KCNIP4: variants seen among roughly 807,000 people sequenced by gnomAD.
KCNIP4 encodes the protein potassium voltage-gated channel interacting protein 4.
A neutral mutation model predicts 34.0 loss-of-function variants in KCNIP4; 12 were observed. The observed-to-expected ratio is 0.35, with a 90% CI of 0.23 to 0.57. KCNIP4 has a LOEUF of 0.57. Among genes scored for constraint, KCNIP4 ranks in the 20% least tolerant of loss-of-function variants. The pLI is 0.83. For synonymous variants in KCNIP4, 124 were observed against 102.2 expected (o/e 1.21, Z -1.29); for missense variants, 238 against 311.7 (o/e 0.76, Z 1.78).
intron 1 of KCNIP4, among the ~76,000 whole-genome samples, chr4:21,320,007 T>C (rs987239405): frequency 4.6e-5 from 7 of 152,346 alleles, no homozygotes; most frequent in South Asian, 2.1e-4. Flanking sequence ...CTGGTTATGA[T>C]AAAAAATGCA....
chr4:21,747,535 T>C (rs865788403), intron 1 of KCNIP4, among the ~76,000 whole-genome samples: 6 of 152,124 alleles, frequency 3.9e-5, no homozygotes, highest in Middle Eastern at 3.2e-3. Flanking sequence ...CTGTGAAATA[T>C]TGTATTTTAC....
Position 21,252,811 on chromosome 4 carries a change from G to T in KCNIP4, c.62-370102C>A, listed in dbSNP as rs187299986. On this transcript the variant is annotated intron_variant, in intron 1 of 8. Coordinates refer to ENST00000382152, the MANE Select transcript of KCNIP4 (RefSeq NM_025221.6). ...TACATGCTAACCTTGTAATGAGAGGGCAGAGAGGTAATGGGGACCAACAGC... is the reference window on the plus strand; with the variant it reads ...TACATGCTAACCTTGTAATGAGAGGTCAGAGAGGTAATGGGGACCAACAGC... 5.3e-5 allele frequency among the ~76,000 whole-genome samples: 8 copies of T among 150,454 alleles called. No homozygotes were observed. The East Asian group carries it at 1.6e-3, about 29-fold the overall frequency.
chr4:21,149,888 G>T (rs879719000), intron 1 of KCNIP4, among the ~76,000 whole-genome samples: 7 of 152,114 alleles, frequency 4.6e-5, no homozygotes, highest in Non-Finnish European at 8.8e-5. Context: ...TAAAAACATG[G>T]ATTTTAAGTT....
intron 1 of KCNIP4, among the ~76,000 whole-genome samples, chr4:21,685,766 T>C (rs1190832168): frequency 6.6e-6 from 1 of 152,252 alleles, no homozygotes; most frequent in East Asian, 1.9e-4. Flanking sequence ...ATGTTGTCTA[T>C]ATTGTTGCCA....
At chr4:21,435,736 AT>A (rs928637993) in intron 1 of KCNIP4, among the ~76,000 whole-genome samples, 5 of 151,638 alleles carry the variant, frequency 3.3e-5, no homozygotes, top group African/African-American at 9.7e-5. Flanking sequence ...TACAGACAAG[AT>A]TTTTTTTTCT....
At chr4:20,752,287 G>A (rs1753796972) in intron 4 of KCNIP4, among the ~76,000 whole-genome samples, 1 of 152,034 alleles carries the variant, frequency 6.6e-6, no homozygotes, top group South Asian at 2.1e-4. Context: ...TCGAACTCCT[G>A]ACAGCAGGTG....
At chr4:21,269,479 C>G (rs1577994675) in intron 1 of KCNIP4, among the ~76,000 whole-genome samples, 1 of 152,146 alleles carries the variant, frequency 6.6e-6, no homozygotes, top group Non-Finnish European at 1.5e-5. Context: ...GATCATGGCT[C>G]ACTGCAGCCT....
intron 1 of KCNIP4, among the ~76,000 whole-genome samples, chr4:21,456,217 C>T (rs1311121130): frequency 1.4e-5 from 2 of 147,322 alleles, no homozygotes; most frequent in Non-Finnish European, 3.0e-5. Flanking sequence ...TCCCCAAATC[C>T]ATACAGCAAA....
chr4:21,932,231 CTG>C (rs1356054443), intron 1 of KCNIP4, among the ~76,000 whole-genome samples: 1 of 152,028 alleles, frequency 6.6e-6, no homozygotes, highest in Admixed American at 6.6e-5. Flanking sequence ...TTCTCCGTAA[CTG>C]ATACATGTGT....
chr4:21,743,407 T>C (rs199636545), intron 1 of KCNIP4, among the ~76,000 whole-genome samples: 1,318 of 13,104 alleles, frequency 0.1, 17 homozygotes, highest in Non-Finnish European at 0.12. Flanking sequence ...TTTTGTCTCT[T>C]TTTTTTTTTT....
At chr4:21,333,330 T>TA (rs1267951564) in intron 1 of KCNIP4, among the ~76,000 whole-genome samples, 1 of 151,846 alleles carries the variant, frequency 6.6e-6, no homozygotes, top group African/African-American at 2.4e-5. Flanking sequence ...GTAAAGCATC[T>TA]AAAAAAATGT....
chr4:21,434,258 A>G (rs1295233161), intron 1 of KCNIP4, among the ~76,000 whole-genome samples: 2 of 152,222 alleles, frequency 1.3e-5, no homozygotes, highest in Non-Finnish European at 2.9e-5. Context: ...AAGGATACTG[A>G]TAAAATTCCT....
intron 1 of KCNIP4, among the ~76,000 whole-genome samples, chr4:20,886,502 C>T (rs1725329890): frequency 6.6e-6 from 1 of 152,274 alleles, no homozygotes; most frequent in South Asian, 2.1e-4. Flanking sequence ...CTGGGATATG[C>T]ACGATATCCA....
At chr4:21,510,215 A>G (rs553747588) in intron 1 of KCNIP4, among the ~76,000 whole-genome samples, 1 of 152,254 alleles carries the variant, frequency 6.6e-6, no homozygotes, top group South Asian at 2.1e-4. Flanking sequence ...TTCAAAAAAA[A>G]CTCATTGGAT....
intron 1 of KCNIP4, among the ~76,000 whole-genome samples, chr4:21,676,717 G>A (rs1749934588): frequency 6.6e-6 from 1 of 152,094 alleles, no homozygotes; most frequent in Non-Finnish European, 1.5e-5. Flanking sequence ...AGTGTTTTGT[G>A]TTTTGACTTA....
At chr4:21,940,014 A>G (rs1730114229) in intron 1 of KCNIP4, among the ~76,000 whole-genome samples, 1 of 152,136 alleles carries the variant, frequency 6.6e-6, no homozygotes, top group South Asian at 2.1e-4. Flanking sequence ...AGACCTGAGC[A>G]TTTTCAAATT....
intron 1 of KCNIP4, among the ~76,000 whole-genome samples, chr4:21,811,666 A>G (rs2109271289): frequency 6.6e-6 from 1 of 152,316 alleles, no homozygotes; most frequent in Middle Eastern, 3.4e-3. Flanking sequence ...TCTGAGTGGC[A>G]TATTTGTTTT....
At chr4:21,567,079 T>C (rs557477895) in intron 1 of KCNIP4, among the ~76,000 whole-genome samples, 3 of 152,150 alleles carry the variant, frequency 2.0e-5, no homozygotes, top group Non-Finnish European at 4.4e-5. Flanking sequence ...ACTTCAATTA[T>C]GAACAACCAG....
chr4:21,074,506 C>T (rs540161175), intron 1 of KCNIP4, among the ~76,000 whole-genome samples: 65 of 151,924 alleles, frequency 4.3e-4, no homozygotes, highest in African/African-American at 1.4e-3. Flanking sequence ...TTTTTTATTG[C>T]GTCTATTTGA....
Sources: allele counts gnomAD v4.1 joint callset (sites outside exome capture counted in the v4.1 genomes callset), GRCh38; gene constraint gnomAD v4.1.1; transcripts MANE v1.5; gene names NCBI Gene and HGNC (gene_info 2026-07-23, HGNC 2026-07-21).